Variants in STAB2 observed in about 807,000 individuals in gnomAD.
STAB2 encodes the protein stabilin-2.
A neutral mutation model predicts 338.1 loss-of-function variants in STAB2; 288 were observed. That is an observed-to-expected ratio of 0.85 (90% CI 0.77 to 0.94). STAB2 has a LOEUF of 0.94. Among genes scored for constraint, STAB2 ranks in the 40% least tolerant of loss-of-function variants. The pLI, the probability that STAB2 is intolerant of heterozygous loss-of-function variation, is 0.00. For synonymous variants in STAB2, 1,202 were observed against 1,193.3 expected, an observed-to-expected ratio of 1.01 and a Z score of -0.15; for missense variants, 3,141 against 3,210.1, an observed-to-expected ratio of 0.98 and a Z score of 0.52.
intron 13 of STAB2, chr12:103,654,993 G>A (rs1033350012): frequency 1.8e-6 from 1 of 552,022 alleles, no homozygotes. Flanking sequence ...ATTTTATAGA[G>A]GGCAGTTATT....
At chr12:103,717,307 C>A (rs1486715893) in intron 43 of STAB2, among the ~76,000 whole-genome samples, 2 of 152,190 alleles carry the variant, frequency 1.3e-5, no homozygotes, top group Non-Finnish European at 2.9e-5. Context: ...TAGATTGTTT[C>A]CATGTGCACA....
Position 103,735,131 on chromosome 12 carries a change from G to A in STAB2, c.5461-360G>A, listed in dbSNP as rs377379964. On this transcript the variant is annotated intron_variant, in intron 51 of 68. Transcript: ENST00000388887. ...AGGACTTCAACATAACTCTTTGAGG[G>A]GCACAGTGCCACCCATAACTGCATC... Among the ~76,000 whole-genome samples the A allele has an allele frequency of 2.0e-5, 3 of 152,076 alleles. No homozygotes were observed. The South Asian group carries it at 6.2e-4, about 32-fold the overall frequency.
At chr12:103,668,602 A>G (rs1875394694) in intron 19 of STAB2, 41 bp from the exon 20 acceptor site, 2 of 1,540,108 alleles carry the variant, frequency 1.3e-6, no homozygotes, top group Non-Finnish European at 8.8e-7. Flanking sequence ...GAGGACCTAA[A>G]CATGCTGACT....
In STAB2 at chr12:103,673,796, A is replaced by T; in HGVS notation, c.2372-111A>T. On this transcript the variant is annotated intron_variant, in intron 22 of 68. Transcript: ENST00000388887. Reference sequence around the variant, plus strand: ...GGCTCAGCCCCGATTCTGCTTTGACAAGAGTGAGTGGGGGGTGAGAAGAGG... The same window carrying T: ...GGCTCAGCCCCGATTCTGCTTTGACTAGAGTGAGTGGGGGGTGAGAAGAGG... The T allele has an allele frequency of 3.4e-6, 4 of 1,188,220 alleles. No individual in the cohort carries two copies. The South Asian group carries it at 4.5e-5, about 13-fold the overall frequency. The allele number at this position is 1,188,220 out of a possible 1,614,324, so 73.6% of individuals were successfully genotyped here. A position where few individuals can be genotyped will look rare whatever the true frequency, so the allele number is the denominator to read the frequency against.
chr12:103,601,913 A>ATTGCC lies in STAB2; in HGVS notation c.331+7406_331+7410dup, dbSNP rs1491461380. 5.3e-5 allele frequency among the ~76,000 whole-genome samples: 8 copies of ATTGCC among 152,210 alleles called. No homozygotes were observed. In the East Asian group the frequency reaches 1.5e-3, roughly 29 times the overall value. ...TTAATCAATCATTTTTTGGATATTA[A>ATTGCC]TTGCCTTTTCCACACCAGTCTTTGA... On this transcript the variant is annotated intron_variant, in intron 3 of 68. Transcript: ENST00000388887.
chr12:103,685,447 T>TGTGTGTGCGC, intron 27 of STAB2, among the ~76,000 whole-genome samples: 1 of 150,194 alleles, frequency 6.7e-6, no homozygotes, highest in African/African-American at 2.5e-5. Context: ...TGTGTGTGTG[T>TGTGTGTGCGC]GTGTGTGCGC....
intron 20 of STAB2, 117 bp from the exon 21 acceptor site, chr12:103,669,423 AC>A (rs1025223716): frequency 2.3e-6 from 2 of 860,922 alleles, no homozygotes; most frequent in African/African-American, 3.3e-5. Context: ...GAAAAGGGCA[AC>A]CTCATAAGGA....
intron 30 of STAB2, among the ~76,000 whole-genome samples, chr12:103,692,210 A>G (rs944111274): frequency 1.3e-5 from 2 of 152,192 alleles, no homozygotes; most frequent in Admixed American, 6.5e-5. Flanking sequence ...TCATGTTCAC[A>G]TGGCAGTCTC....
intron 65 of STAB2, among the ~76,000 whole-genome samples, chr12:103,759,971 T>C (rs1884418170): frequency 6.6e-6 from 1 of 152,204 alleles, no homozygotes; most frequent in African/African-American, 2.4e-5. Context: ...AATAAAGAGC[T>C]TTAGGCTAAG....
chr12:103,676,399 T>G (rs1449045513), intron 24 of STAB2, among the ~76,000 whole-genome samples: 1 of 152,098 alleles, frequency 6.6e-6, no homozygotes, highest in East Asian at 1.9e-4. Flanking sequence ...ATTGTTTGGG[T>G]TTTTTTAGGA....
Position 103,708,553 on chromosome 12 carries a change from C to T in STAB2, c.4288+17C>T, listed in dbSNP as rs2052979536. 3.1e-6 allele frequency: 5 copies of T among 1,611,446 alleles called. No individual in the cohort carries two copies. The highest frequency in any genetic ancestry group is 1.7e-5 in the Admixed American group (1 of 59,998). On this transcript the variant is annotated intron_variant, in intron 39 of 68. Transcript: ENST00000388887. ...GTGACAATGGTAAGAGTGAGGCCTC[C>T]AGTATTTATAATCTGCTCTAAGCTT...
At chr12:103,671,311 G>T (rs1210646344) in intron 22 of STAB2, among the ~76,000 whole-genome samples, 1 of 152,120 alleles carries the variant, frequency 6.6e-6, no homozygotes, top group Admixed American at 6.5e-5. Flanking sequence ...AATTAGCAGG[G>T]TGTGGTGGCA....
At position 103,713,530 on chromosome 12, in the gene STAB2, G is replaced by C. The variant is rs1228756246; in HGVS notation, c.4412-113G>C. 8.1e-6 allele frequency: 12 copies of C among 1,488,670 alleles called. No individual in the cohort carries two copies. In the South Asian group the frequency reaches 8.7e-5, roughly 11 times the overall value. 92.2% of individuals were successfully genotyped at this position (1,488,670 alleles called of 1,614,324 possible). A position where few individuals can be genotyped will look rare whatever the true frequency, so the allele number is the denominator to read the frequency against. ...TTGGGAATTGGCCATATTTAATCCA[G>C]TGCCTGCTCAAGTAGTTTTGCAGTA... On this transcript the variant is annotated intron_variant, in intron 41 of 68. Transcript: ENST00000388887.
chr12:103,729,765 A>C (rs10861083), intron 48 of STAB2, among the ~76,000 whole-genome samples: 41,577 of 152,170 alleles, frequency 0.27, 9,137 homozygotes, highest in African/African-American at 0.61. Flanking sequence ...TACAGAGAAA[A>C]AAATGGTGAC....
At chr12:103,638,280 A>G (rs1957584662) in intron 8 of STAB2, 68 bp downstream of exon 8, 1 of 1,516,118 alleles carries the variant, frequency 6.6e-7, no homozygotes, top group South Asian at 1.3e-5. Context: ...CACAGGTATC[A>G]TTTGTCTTCT....
At chr12:103,623,476 G>A (rs1957335145) in intron 5 of STAB2, among the ~76,000 whole-genome samples, 1 of 152,160 alleles carries the variant, frequency 6.6e-6, no homozygotes, top group African/African-American at 2.4e-5. Flanking sequence ...ATGGAGAAGG[G>A]AGGCAGAAGA....
chr12:103,703,509 G>A (rs533473658), intron 35 of STAB2, among the ~76,000 whole-genome samples: 5 of 152,150 alleles, frequency 3.3e-5, no homozygotes, highest in Admixed American at 1.3e-4. Context: ...GTTGTACCTT[G>A]TGTGCCTGGG....
At chr12:103,763,838 GC>G (rs1420628819) in intron 68 of STAB2, 68 of 442,600 alleles carry the variant, frequency 1.5e-4, no homozygotes, top group African/African-American at 1.3e-3. Context: ...ACAGAGACAG[GC>G]GAGAACAAGA....
intron 68 of STAB2, chr12:103,765,888 T>C (rs1884917566): frequency 8.4e-6 from 3 of 356,476 alleles, no homozygotes; most frequent in South Asian, 4.3e-5. Flanking sequence ...GAGCCACCAC[T>C]GGTTCAAGAT....
Sources: gnomAD v4.1 joint callset for allele counts (sites outside exome capture counted in the v4.1 genomes callset) on GRCh38, gnomAD v4.1.1 for gene constraint, MANE v1.5 for transcripts, NCBI Gene and HGNC (gene_info 2026-07-23, HGNC 2026-07-21) for gene names.